LDB1: variants seen among roughly 807,000 people sequenced by gnomAD.
The protein encoded by LDB1 is LIM domain-binding protein 1.
LDB1 carries 6 observed loss-of-function variants against 49.7 expected under a neutral mutation model. That is an observed-to-expected ratio of 0.12 (90% CI 0.07 to 0.24). The LOEUF is 0.24. Ranked by LOEUF, LDB1 falls within the 10% of genes least tolerant of loss-of-function variation. The probability of loss-of-function intolerance (pLI) is 1.00; values close to 1 mark genes in which losing one functional copy is unlikely to be tolerated. For synonymous variants in LDB1, 233 were observed against 202.0 expected (o/e 1.15, Z -1.30); for missense variants, 341 against 561.7 (o/e 0.61, Z 3.97).
At chr10:102,119,568 T>A (rs748709935) in intron 1 of LDB1, among the ~76,000 whole-genome samples, 1 of 151,868 alleles carries the variant, frequency 6.6e-6, no homozygotes, top group Non-Finnish European at 1.5e-5. Flanking sequence ...CAACCTTCCC[T>A]GGCAACAGGC....
At chr10:102,118,298 CT>C (rs955404777) in intron 1 of LDB1, among the ~76,000 whole-genome samples, 8 of 152,310 alleles carry the variant, frequency 5.3e-5, no homozygotes, top group Admixed American at 1.3e-4. Flanking sequence ...ATCTATAAGA[CT>C]TCTTCATGAT....
Position 102,110,585 on chromosome 10 carries a change from G to C in LDB1, c.469C>G (p.Leu157Val), listed in dbSNP as rs143495877. 6 of 1,614,038 alleles carry C rather than the reference G, an allele frequency of 3.7e-6. No homozygotes were observed. The highest frequency in any genetic ancestry group is 5.1e-6 in the Non-Finnish European group (6 of 1,179,978). ...ACCATGCTGCCCTGGTCACAGTCGA[G>C]GGACACAAAGTTGCTGTGGAATGCC... Reference protein sequence around the residue: ...KEAFHSNFVSLDCDQGSMVTQ... With the variant: ...KEAFHSNFVSVDCDQGSMVTQ... Residue 157 changes from leucine to valine, a missense_variant, in exon 6 of 11, where the codon CTC becomes GTC. Physicochemically the swap from Leu to Val is conservative, Grantham distance 32. This residue lies in a region of LDB1 where 233 missense variants were observed against 385.7 expected (regional missense o/e 0.60). Coordinates refer to ENST00000673968, the MANE Select transcript of LDB1 (RefSeq NM_001113407.3).
In LDB1 at chr10:102,109,905, C is replaced by T. The variant is rs577132054; in HGVS notation, c.648+16G>A. 1.9e-6 allele frequency: 3 copies of T among 1,605,928 alleles called. No individual in the cohort carries two copies. In the Admixed American group the frequency reaches 5.0e-5, roughly 27 times the overall value. ...CTGCCTTCACTCTTGCATCCTGGGTCCTGCCCACGACTCACATGCATGGCA... is the reference window on the plus strand; with the variant it reads ...CTGCCTTCACTCTTGCATCCTGGGTTCTGCCCACGACTCACATGCATGGCA... On this transcript the variant is annotated intron_variant, in intron 7 of 10. Coordinates refer to ENST00000673968, the MANE Select transcript of LDB1 (RefSeq NM_001113407.3). The surrounding 1 kb of genome is among the most constrained non-coding windows in gnomAD (Gnocchi z 5.8).
chr10:102,118,149 C>T (rs1373371953), intron 1 of LDB1, among the ~76,000 whole-genome samples: 6 of 152,154 alleles, frequency 3.9e-5, no homozygotes, highest in Non-Finnish European at 5.9e-5. Context: ...CAAGCATGTG[C>T]TCCCCCATCC....
chr10:102,108,936 G>T, intron 10 of LDB1, 93 bp downstream of exon 10: 1 of 1,534,472 alleles, frequency 6.5e-7, no homozygotes, highest in African/African-American at 1.4e-5. Flanking sequence ...AACTGTCTTT[G>T]CTTCTACGCC....
downstream of LDB1, among the ~76,000 whole-genome samples, chr10:102,105,641 C>T (rs1382765020): frequency 6.6e-6 from 1 of 151,812 alleles, no homozygotes; most frequent in East Asian, 1.9e-4. Context: ...CACCCAGGGA[C>T]CTTAGCACCA....
chr10:102,112,438 G>A (rs1362986887), intron 1 of LDB1, among the ~76,000 whole-genome samples: 1 of 152,162 alleles, frequency 6.6e-6, no homozygotes, highest in African/African-American at 2.4e-5. Context: ...GAGGAAAAGG[G>A]AGGATTTTCA....
chr10:102,118,100 G>A (rs2068357240), intron 1 of LDB1, among the ~76,000 whole-genome samples: 1 of 152,066 alleles, frequency 6.6e-6, no homozygotes. Flanking sequence ...GAAATCTTTG[G>A]GCCTGGACTG....
intron 1 of LDB1, among the ~76,000 whole-genome samples, chr10:102,116,731 G>A (rs1048162575): frequency 1.3e-5 from 2 of 151,950 alleles, no homozygotes; most frequent in Admixed American, 1.3e-4. Context: ...TCACAGCCTG[G>A]CCATAGAATA....
At chr10:102,108,461 C>T in intron 10 of LDB1, 138 bp from the exon 11 acceptor site, 1 of 641,156 alleles carries the variant, frequency 1.6e-6, no homozygotes, top group South Asian at 1.9e-5. Context: ...AATTTAAAAC[C>T]CCAACTCCTG....
At chr10:102,108,944 G>A (rs762205756) in intron 10 of LDB1, 85 bp downstream of exon 10, 4 of 1,556,228 alleles carry the variant, frequency 2.6e-6, no homozygotes, top group East Asian at 2.2e-5. Context: ...TTGCTTCTAC[G>A]CCTGCTAGTG....
At chr10:102,120,769 C>G (rs1485122944), upstream of LDB1, among the ~76,000 whole-genome samples, 1 of 152,064 alleles carries the variant, frequency 6.6e-6, no homozygotes, top group Non-Finnish European at 1.5e-5. Flanking sequence ...CGGGTGCCGC[C>G]GGATGGGGAG....
Position 102,109,302 on chromosome 10 carries a change from G to A in LDB1, c.856+82C>T. ...GTAGACCCGGGAACAAGGAAGGGGT[G>A]GGGAAAACTTCAAAAGGAAATAAAG... On this transcript the variant is annotated intron_variant, in intron 9 of 10. Transcript: ENST00000673968. This position sits in a 1 kb window ranked among gnomAD's most constrained non-coding sequence, Gnocchi z 5.8. The A allele has an allele frequency of 6.2e-7, 1 of 1,604,322 alleles. No homozygotes were observed. Among genetic ancestry groups the A allele is most frequent in the South Asian group, 1.1e-5 (1 of 90,412 alleles).
rs761957510 is a variant in LDB1 at position 102,109,237 on chromosome 10, T to C, written c.857-60A>G. On this transcript the variant is annotated intron_variant, in intron 9 of 10. Coordinates refer to ENST00000673968, the MANE Select transcript of LDB1 (RefSeq NM_001113407.3). This position sits in a 1 kb window ranked among gnomAD's most constrained non-coding sequence, Gnocchi z 5.8. ...GCCCCAGGTCCCCTATTCTCCATTG[T>C]GGCTCCCAAGGAGCATGAGCCTGCC... The C allele has an allele frequency of 2.1e-4, 346 of 1,610,280 alleles. No individual in the cohort carries two copies. The highest frequency in any genetic ancestry group is 2.8e-4 in the Non-Finnish European group (328 of 1,178,682).
chr10:102,105,354 T>G (rs940517594), downstream of LDB1, among the ~76,000 whole-genome samples: 1 of 152,100 alleles, frequency 6.6e-6, no homozygotes, highest in Non-Finnish European at 1.5e-5. Flanking sequence ...TAACTGTAGA[T>G]TGGAGATTGG....
At chr10:102,118,593 G>A (rs2068362027) in intron 1 of LDB1, among the ~76,000 whole-genome samples, 1 of 152,080 alleles carries the variant, frequency 6.6e-6, no homozygotes, top group Admixed American at 6.5e-5. Context: ...ATACATACCC[G>A]CTTACCCACT....
At chr10:102,115,250 T>G (rs2068321572) in intron 1 of LDB1, among the ~76,000 whole-genome samples, 1 of 152,082 alleles carries the variant, frequency 6.6e-6, no homozygotes, top group Non-Finnish European at 1.5e-5. Flanking sequence ...CCAGGCACGG[T>G]GCTCAGGAGT....
intron 6 of LDB1, 97 bp from the exon 7 acceptor site, chr10:102,110,140 G>T: frequency 7.3e-7 from 1 of 1,367,942 alleles, no homozygotes. Context: ...CTCTCCCATT[G>T]CATACACTTT....
chr10:102,102,997 T>C (rs963993388), downstream of LDB1, among the ~76,000 whole-genome samples: 12 of 152,308 alleles, frequency 7.9e-5, no homozygotes, highest in African/African-American at 2.9e-4. Context: ...ACCAGTGGCT[T>C]CGAAGTCCAT....
Sources: allele counts gnomAD v4.1 joint callset (sites outside exome capture counted in the v4.1 genomes callset), GRCh38; gene constraint gnomAD v4.1.1; regional missense constraint gnomAD v4.1.1; non-coding constraint Gnocchi (gnomAD v3.1); transcripts MANE v1.5; gene names NCBI Gene and HGNC (gene_info 2026-07-23, HGNC 2026-07-21).